The following RAB31 variants were observed in gnomAD, a reference collection of about 807,000 sequenced individuals.
RAB31 encodes RAB31, member RAS oncogene family, also known as ras-related protein Rab-31.
RAB31 carries 21 observed loss-of-function variants against 25.6 expected under a neutral mutation model. That is an observed-to-expected ratio of 0.82 (90% CI 0.58 to 1.18). The LOEUF (loss-of-function observed/expected upper bound fraction) is 1.18, where lower values mean the gene tolerates loss of function less well. Ranked by LOEUF, RAB31 falls within the 50% of genes most tolerant of loss-of-function variation. The pLI is 0.00. For synonymous variants in RAB31, 87 were observed against 84.0 expected (o/e 1.04, Z -0.20); for missense variants, 196 against 250.1 (o/e 0.78, Z 1.46).
chr18:9,861,617 C>T lies in RAB31; in HGVS notation c.*2292C>T, dbSNP rs2068848158. 1 of 152,262 alleles carries T rather than the reference C, an allele frequency of 6.6e-6. No homozygotes were observed. Among genetic ancestry groups the T allele is most frequent in the African/African-American group, 2.4e-5 (1 of 41,542 alleles). The allele number at this position is 152,262 out of a possible 1,614,324, so 9.4% of individuals were successfully genotyped here. On this transcript the variant is annotated 3_prime_UTR_variant, in exon 7 of 7. Coordinates refer to ENST00000578921, the MANE Select transcript of RAB31 (RefSeq NM_006868.4). ...GTTTTGGCTCGGGATTACTTCCTGG[C>T]TGTCTAATAATTGAACCATAACCAT...
At chr18:9,795,745 G>A (rs756372367) in intron 3 of RAB31, among the ~76,000 whole-genome samples, 50 of 152,190 alleles carry the variant, frequency 3.3e-4, no homozygotes, top group African/African-American at 1.2e-3. Flanking sequence ...AGATGTTGGC[G>A]TGGATGTGGT....
chr18:9,760,567 T>C (rs907091887), intron 1 of RAB31, among the ~76,000 whole-genome samples: 2 of 152,198 alleles, frequency 1.3e-5, no homozygotes, highest in African/African-American at 4.8e-5. Context: ...AATGATCTTA[T>C]GAGAAGGGTC....
intron 1 of RAB31, among the ~76,000 whole-genome samples, chr18:9,772,697 C>A (rs1264966116): frequency 6.6e-6 from 1 of 152,102 alleles, no homozygotes; most frequent in Non-Finnish European, 1.5e-5. Context: ...GGGAGAGGTC[C>A]CCACCCTGCC....
At chr18:9,830,009 T>TTA (rs2068669456) in intron 5 of RAB31, among the ~76,000 whole-genome samples, 1 of 150,686 alleles carries the variant, frequency 6.6e-6, no homozygotes, top group Non-Finnish European at 1.5e-5. Context: ...TTAAAAAATA[T>TTA]TATTATTATT....
chr18:9,860,998 C>T lies in RAB31; in HGVS notation c.*1673C>T, dbSNP rs1410731114. 1 of 151,546 alleles carries T rather than the reference C, an allele frequency of 6.6e-6. No individual in the cohort carries two copies. Among genetic ancestry groups the T allele is most frequent in the Non-Finnish European group, 1.5e-5 (1 of 67,968 alleles). 9.4% of individuals were successfully genotyped at this position (151,546 alleles called of 1,614,324 possible). ...AGCAAGCGGCATTTGGATGTCTTGA[C>T]AGGGGCTTTGCAGGGATTTTTAGGG... On this transcript the variant is annotated 3_prime_UTR_variant, in exon 7 of 7. Coordinates refer to ENST00000578921, the MANE Select transcript of RAB31 (RefSeq NM_006868.4).
chr18:9,774,902 C>G, intron 1 of RAB31: 2 of 521,098 alleles, frequency 3.8e-6, no homozygotes, highest in South Asian at 2.8e-5. Flanking sequence ...AGGTTTTGAA[C>G]AGAATGAATT....
intron 1 of RAB31, among the ~76,000 whole-genome samples, chr18:9,753,857 C>G (rs534680262): frequency 1.3e-5 from 2 of 152,278 alleles, no homozygotes; most frequent in South Asian, 2.1e-4. Context: ...TGTTTGTGCT[C>G]TACGAGCTGT....
intron 1 of RAB31, among the ~76,000 whole-genome samples, chr18:9,757,691 T>C (rs769058049): frequency 2.6e-5 from 4 of 152,208 alleles, no homozygotes; most frequent in Non-Finnish European, 4.4e-5. Context: ...TGTATGCATG[T>C]GCATGTATGT....
intron 1 of RAB31, among the ~76,000 whole-genome samples, chr18:9,717,249 C>G (rs917549860): frequency 6.6e-5 from 10 of 152,096 alleles, no homozygotes; most frequent in African/African-American, 2.4e-4. Flanking sequence ...ACTGTGGGAT[C>G]TTTTGATGAG....
chr18:9,750,411 G>A (rs144969893), intron 1 of RAB31, among the ~76,000 whole-genome samples: 204 of 152,324 alleles, frequency 1.3e-3, no homozygotes, highest in African/African-American at 4.5e-3. Context: ...AAGGACATTC[G>A]TCTAGAAGGA....
intron 2 of RAB31, among the ~76,000 whole-genome samples, chr18:9,776,362 A>G (rs937501697): frequency 1.3e-5 from 2 of 152,046 alleles, no homozygotes; most frequent in African/African-American, 4.8e-5. Flanking sequence ...GTTTTGGGAA[A>G]CCTGTAGGAT....
intron 1 of RAB31, among the ~76,000 whole-genome samples, chr18:9,763,627 G>A (rs1018035978): frequency 6.8e-6 from 1 of 147,214 alleles, no homozygotes; most frequent in African/African-American, 2.5e-5. Context: ...TATATATGGT[G>A]AAAAAGTTTA....
chr18:9,783,990 G>A lies in RAB31; in HGVS notation c.120-8164G>A, dbSNP rs149554479. Among the ~76,000 whole-genome samples, 11 of 152,294 alleles carry A rather than the reference G, an allele frequency of 7.2e-5. No homozygotes were observed. The East Asian group carries it at 1.5e-3, about 21-fold the overall frequency. On this transcript the variant is annotated intron_variant, in intron 2 of 6. Coordinates refer to ENST00000578921, the MANE Select transcript of RAB31 (RefSeq NM_006868.4). The stretch of plus-strand genomic sequence containing the variant: ...ACTAAGTTTGGCACATGTAGCAAAA[G>A]TGGAGTGTATCTATTTTTGTTTTAT...
intron 5 of RAB31, among the ~76,000 whole-genome samples, chr18:9,841,743 G>A (rs1456349808): frequency 6.6e-6 from 1 of 152,138 alleles, no homozygotes; most frequent in African/African-American, 2.4e-5. Flanking sequence ...GGGACAGGCA[G>A]AGGGAGGGAC....
chr18:9,717,806 GTGTT>G (rs1250099184), intron 1 of RAB31, among the ~76,000 whole-genome samples: 7 of 152,190 alleles, frequency 4.6e-5, no homozygotes, highest in South Asian at 2.1e-4. Context: ...GTGTTCTTGT[GTGTT>G]TGTTTGTTTT....
intron 3 of RAB31, among the ~76,000 whole-genome samples, chr18:9,800,783 C>T (rs1357937574): frequency 6.6e-6 from 1 of 151,840 alleles, no homozygotes. Flanking sequence ...ATGACCAGCC[C>T]CCCTTTTTTT....
chr18:9,767,223 C>T (rs2068320650), intron 1 of RAB31, among the ~76,000 whole-genome samples: 1 of 152,176 alleles, frequency 6.6e-6, no homozygotes, highest in Non-Finnish European at 1.5e-5. Context: ...GAGAAGAATG[C>T]ACTCAAGGTT....
chr18:9,762,332 A>T (rs948906450), intron 1 of RAB31, among the ~76,000 whole-genome samples: 1 of 152,232 alleles, frequency 6.6e-6, no homozygotes, highest in Non-Finnish European at 1.5e-5. Context: ...CTTGTAAAAA[A>T]TTGCAGAATG....
At chr18:9,748,031 A>T (rs1281810591) in intron 1 of RAB31, among the ~76,000 whole-genome samples, 2 of 152,224 alleles carry the variant, frequency 1.3e-5, no homozygotes, top group African/African-American at 4.8e-5. Context: ...AACTCCCAGG[A>T]TTATGCACAA....
Sources: gnomAD v4.1 joint callset for allele counts (sites outside exome capture counted in the v4.1 genomes callset) on GRCh38, gnomAD v4.1.1 for gene constraint, MANE v1.5 for transcripts, NCBI Gene and HGNC (gene_info 2026-07-23, HGNC 2026-07-21) for gene names.